ZNF808: variants seen among roughly 807,000 people sequenced by gnomAD.
ZNF808 encodes the protein zinc finger protein 808.
In ZNF808, 5 loss-of-function variants were observed where a neutral mutation model predicts 8.7. That is an observed-to-expected ratio of 0.58 (90% CI 0.30 to 1.21). The LOEUF (loss-of-function observed/expected upper bound fraction) is 1.21. Ranked by LOEUF, ZNF808 falls within the 50% of genes most tolerant of loss-of-function variation. The pLI is 0.07. For synonymous variants in ZNF808, 380 were observed against 366.0 expected (o/e 1.04, Z -0.44); for missense variants, 1,103 against 1,098.4 (o/e 1.00, Z -0.06).
intron 3 of ZNF808, among the ~76,000 whole-genome samples, chr19:52,544,266 C>T (rs544483566): frequency 6.6e-6 from 1 of 152,168 alleles, no homozygotes; most frequent in African/African-American, 2.4e-5. Context: ...CTCAACTAAT[C>T]GCTACTGTAG....
rs201467242 is a variant in ZNF808, at chr19:52,554,063, C to T, written c.1147C>T (p.His383Tyr). 6,942 of 1,614,014 alleles carry T rather than the reference C, an allele frequency of 4.3e-3. 27 individuals are homozygous for T. Among genetic ancestry groups the T allele is most frequent in the Non-Finnish European group, 5.3e-3 (6,231 of 1,179,990 alleles). ...GATTTGTGAGAAGGCTTTTGCGTGT[C>T]ATTCCTATCTGGCAAACCATACTAG... ...CKICEKAFAC[H>Y]SYLANHTRIH... The change falls in exon 5 of 5, where the codon CAT (histidine) becomes TAT (tyrosine). Residue 383 changes from histidine to tyrosine, a missense_variant. Physicochemically the swap from His to Tyr is moderately conservative, Grantham distance 83. Coordinates refer to ENST00000359798, the MANE Select transcript of ZNF808 (RefSeq NM_001039886.4).
At chr19:52,533,439 TG>T (rs1250934251) in intron 2 of ZNF808, among the ~76,000 whole-genome samples, 1 of 152,024 alleles carries the variant, frequency 6.6e-6, no homozygotes, top group East Asian at 2.0e-4. Context: ...TTGGCCAGGC[TG>T]GTCTTGAACT....
At chr19:52,563,330 G>A (rs2059863727) in exon 4 of ZNF808, 1 of 152,152 alleles carries the variant, frequency 6.6e-6, no homozygotes, top group Non-Finnish European at 1.5e-5. Context: ...TTTTCAGTAA[G>A]TGGTATGCCT....
At chr19:52,535,732 C>T (rs2059602657) in intron 2 of ZNF808, among the ~76,000 whole-genome samples, 1 of 152,218 alleles carries the variant, frequency 6.6e-6, no homozygotes, top group African/African-American at 2.4e-5. Context: ...CAGGGCTTTG[C>T]ATTTCACATT....
At chr19:52,549,053 C>T (rs1170306574) in intron 4 of ZNF808, among the ~76,000 whole-genome samples, 1 of 152,100 alleles carries the variant, frequency 6.6e-6, no homozygotes, top group Admixed American at 6.6e-5. Context: ...TCTCAGCTCA[C>T]TGTAACCTCC....
downstream of ZNF808, among the ~76,000 whole-genome samples, chr19:52,567,120 C>T (rs900695079): frequency 2.0e-5 from 3 of 151,794 alleles, no homozygotes; most frequent in African/African-American, 7.3e-5. Context: ...CCCGGCTAAT[C>T]GTTGAATTTT....
downstream of ZNF808, among the ~76,000 whole-genome samples, chr19:52,567,856 C>CT (rs2059876693): frequency 6.6e-6 from 1 of 152,038 alleles, no homozygotes; most frequent in Non-Finnish European, 1.5e-5. Context: ...GTAATTAAAC[C>CT]TTTTTTCAGC....
intron 4 of ZNF808, among the ~76,000 whole-genome samples, 200 bp from the exon 5 acceptor site, chr19:52,552,907 G>A (rs2059791763): frequency 6.6e-6 from 1 of 152,098 alleles, no homozygotes; most frequent in Non-Finnish European, 1.5e-5. Flanking sequence ...ATAGGAAATA[G>A]ACTTTCATAG....
At chr19:52,558,683 T>C (rs1230222581), downstream of ZNF808, among the ~76,000 whole-genome samples, 1 of 152,188 alleles carries the variant, frequency 6.6e-6, no homozygotes, top group Non-Finnish European at 1.5e-5. Context: ...TCTGAACTTT[T>C]AATGACTTGG....
chr19:52,541,767 C>T (rs1343132219), intron 2 of ZNF808, among the ~76,000 whole-genome samples: 1 of 152,074 alleles, frequency 6.6e-6, no homozygotes, highest in Admixed American at 6.5e-5. Flanking sequence ...ACAGCTTTAA[C>T]CCACTTACAC....
chr19:52,551,390 G>A (rs2059775119), intron 4 of ZNF808, among the ~76,000 whole-genome samples: 2 of 151,882 alleles, frequency 1.3e-5, no homozygotes, highest in African/African-American at 4.8e-5. Flanking sequence ...AGGCATGGTG[G>A]CATGTGTCTG....
At chr19:52,548,202 C>T (rs531707651) in intron 4 of ZNF808, among the ~76,000 whole-genome samples, 7 of 152,120 alleles carry the variant, frequency 4.6e-5, no homozygotes, top group Non-Finnish European at 1.0e-4. Flanking sequence ...GTATGAGGCT[C>T]TTGACTGAAC....
chr19:52,555,180 G>C lies in ZNF808; in HGVS notation c.2264G>C (p.Arg755Thr). Residue 755 changes from arginine (R) to threonine (T), a missense_variant, in exon 5 of 5, where the codon AGA becomes ACA. Physicochemically the swap from Arg to Thr is moderately conservative, Grantham distance 71. Transcript: ENST00000359798. The stretch of plus-strand genomic sequence containing the variant: ...AAGGCAACCCTTCTATGCCATCGTA[G>C]ACTTCATAGTGGTGAGAAACCTTAC... ...SQKATLLCHR[R>T]LHSGEKPYKC... The C allele has an allele frequency of 6.2e-7, 1 of 1,613,684 alleles. No homozygotes were observed. Among genetic ancestry groups the C allele is most frequent in the Non-Finnish European group, 8.5e-7 (1 of 1,179,638 alleles).
chr19:52,550,239 T>G (rs1300003065), intron 4 of ZNF808, among the ~76,000 whole-genome samples: 6 of 151,848 alleles, frequency 4.0e-5, no homozygotes, highest in Non-Finnish European at 7.4e-5. Flanking sequence ...GTTTTTTTTT[T>G]TTGTTTTTGA....
chr19:52,565,086 A>G (rs1425158550), downstream of ZNF808, among the ~76,000 whole-genome samples: 5 of 152,130 alleles, frequency 3.3e-5, no homozygotes, highest in African/African-American at 9.7e-5. Context: ...ACTCCGTCTC[A>G]AAAAATAAAT....
At chr19:52,558,244 C>T (rs1600048820), downstream of ZNF808, among the ~76,000 whole-genome samples, 1 of 151,656 alleles carries the variant, frequency 6.6e-6, no homozygotes, top group African/African-American at 2.4e-5. Flanking sequence ...CGCCACCGCG[C>T]CTTGTATTTT....
At position 52,554,066 on chromosome 19, in the gene ZNF808, TC is replaced by T; in HGVS notation, c.1152del (p.Tyr385IlefsTer151). On this transcript the variant is annotated frameshift_variant, in exon 5 of 5. Coordinates refer to ENST00000359798, the MANE Select transcript of ZNF808 (RefSeq NM_001039886.4). LOFTEE classifies it low-confidence loss of function (END_TRUNC). ...KICEKAFACHSYLANHTRIHS... is the reference protein window; with the variant it reads ...KICEKAFACHXYLANHTRIHS... ...TTGTGAGAAGGCTTTTGCGTGTCATTCCTATCTGGCAAACCATACTAGAATT... is the reference window on the plus strand; with the variant it reads ...TTGTGAGAAGGCTTTTGCGTGTCATTCTATCTGGCAAACCATACTAGAATT... 2 of 1,614,120 alleles carry T rather than the reference TC, an allele frequency of 1.2e-6. No individual in the cohort carries two copies. The highest frequency in any genetic ancestry group is 8.5e-7 in the Non-Finnish European group (1 of 1,180,002).
chr19:52,542,428 G>A (rs1280745832), intron 2 of ZNF808, among the ~76,000 whole-genome samples: 2 of 152,014 alleles, frequency 1.3e-5, no homozygotes, highest in East Asian at 3.9e-4. Flanking sequence ...CCTCACTTGA[G>A]CTGTCCCTCT....
At chr19:52,568,082 G>A (rs1395815040), downstream of ZNF808, among the ~76,000 whole-genome samples, 1 of 152,124 alleles carries the variant, frequency 6.6e-6, no homozygotes, top group Non-Finnish European at 1.5e-5. Context: ...ACTTCTACAA[G>A]TTTTCCTGGC....
Sources: allele counts gnomAD v4.1 joint callset (sites outside exome capture counted in the v4.1 genomes callset), GRCh38; gene constraint gnomAD v4.1.1; transcripts MANE v1.5; gene names NCBI Gene and HGNC (gene_info 2026-07-23, HGNC 2026-07-21).